Variants in CRAMP1 observed in about 807,000 individuals in gnomAD.
CRAMP1 encodes the protein cramped chromatin regulator 1.
CRAMP1 carries 50 observed loss-of-function variants against 115.4 expected under a neutral mutation model. The observed-to-expected ratio is 0.43, with a 90% CI of 0.35 to 0.55. The LOEUF (loss-of-function observed/expected upper bound fraction) is 0.55. Ranked by LOEUF, CRAMP1 falls within the 20% of genes least tolerant of loss-of-function variation. The probability of loss-of-function intolerance (pLI) is 0.01; values close to 1 mark genes in which losing one functional copy is unlikely to be tolerated. For synonymous variants in CRAMP1, 866 were observed against 745.4 expected (o/e 1.16, Z -2.64); for missense variants, 1,679 against 1,721.7 (o/e 0.98, Z 0.44).
chr16:1,655,990 C>T lies in CRAMP1; in HGVS notation c.1233C>T (p.Gly411=), dbSNP rs372461874. 40 of 1,612,808 alleles carry T rather than the reference C, an allele frequency of 2.5e-5. No homozygotes were observed. The Middle Eastern group carries it at 6.6e-4, about 27-fold the overall frequency. Residue 411 remains glycine (G), a synonymous_variant, in exon 10 of 21, where the codon GGC becomes GGT. Coordinates refer to ENST00000397412, the MANE Select transcript of CRAMP1 (RefSeq NM_020825.4). The stretch of plus-strand genomic sequence containing the variant: ...ACTGTACACTGACACCGCTGCCGGG[C>T]GTGGCTCGCGTGGTGCACTCCAAGG... ...GENCTLTPLP[G]VARVVHSKAF...
chr16:1,666,518 C>G lies in CRAMP1; in HGVS notation c.2954C>G (p.Ser985Cys). The G allele has an allele frequency of 6.2e-7, 1 of 1,613,970 alleles. No homozygotes were observed. ...GGCTTGTCTGGCATCTCTCCACTGT[C>G]TTCAGACGAGGTGACGGGTGCCATC... ...TEGLSGISPL[S>C]SDEVTGAISG... Residue 985 changes from serine to cysteine, a missense_variant, in exon 16 of 21, where the codon TCT becomes TGT. Transcript: ENST00000397412. The surrounding 1 kb of genome is among the most constrained non-coding windows in gnomAD (Gnocchi z 5.0).
chr16:1,668,570 G>C (rs756341031), intron 18 of CRAMP1, among the ~76,000 whole-genome samples: 9 of 152,230 alleles, frequency 5.9e-5, no homozygotes, highest in Non-Finnish European at 1.0e-4. Context: ...CTCACCTGCT[G>C]TCTGGGACAA....
chr16:1,655,655 C>T (rs2036764599), intron 9 of CRAMP1, among the ~76,000 whole-genome samples: 1 of 152,230 alleles, frequency 6.6e-6, no homozygotes, highest in African/African-American at 2.4e-5. Flanking sequence ...CCTGCCTGCT[C>T]CCCACATAGG....
At chr16:1,628,334 G>A (rs7204263) in intron 3 of CRAMP1, among the ~76,000 whole-genome samples, 32,717 of 152,066 alleles carry the variant, frequency 0.22, 4,881 homozygotes, top group African/African-American at 0.39. Context: ...GCTAAATGCA[G>A]CCTCCACCTC....
At chr16:1,662,146 T>C (rs1424528667) in intron 11 of CRAMP1, among the ~76,000 whole-genome samples, 2 of 152,210 alleles carry the variant, frequency 1.3e-5, no homozygotes, top group Non-Finnish European at 2.9e-5. Context: ...ACCAGGAAAG[T>C]TGACTGACTT....
At position 1,623,020 on chromosome 16, in the gene CRAMP1, C is replaced by T. The variant is rs141188781; in HGVS notation, c.347-2953C>T. Among the ~76,000 whole-genome samples the T allele has an allele frequency of 4.2e-3, 640 of 152,186 alleles. 6 individuals are homozygous for T. The highest frequency in any genetic ancestry group is 0.015 in the African/African-American group (613 of 41,496). On this transcript the variant is annotated intron_variant, in intron 2 of 20. Coordinates refer to ENST00000397412, the MANE Select transcript of CRAMP1 (RefSeq NM_020825.4). ...AAGAGATCCGCCTGCCTCGGCCTCC[C>T]AAAGTAGCTGTGATTACAGGCGCCC...
At chr16:1,628,551 G>A (rs1017274845) in intron 3 of CRAMP1, among the ~76,000 whole-genome samples, 3 of 152,354 alleles carry the variant, frequency 2.0e-5, no homozygotes, top group East Asian at 3.9e-4. Flanking sequence ...ACCGCACCTG[G>A]CCTAACACGT....
chr16:1,667,457 G>C (rs1236936964), intron 17 of CRAMP1, 57 bp downstream of exon 17: 3 of 1,346,000 alleles, frequency 2.2e-6, no homozygotes, highest in Admixed American at 1.7e-5. Flanking sequence ...TCCCTCCAGT[G>C]CCCTGAGCTG....
chr16:1,616,016 C>T (rs900434004), intron 2 of CRAMP1, among the ~76,000 whole-genome samples: 1 of 152,290 alleles, frequency 6.6e-6, no homozygotes, highest in Non-Finnish European at 1.5e-5. Context: ...CTTCTCCTGC[C>T]GCATTCTCAA....
In CRAMP1 at chr16:1,614,432, G is replaced by T. The variant is rs1455501439; in HGVS notation, c.-1-207G>T. On this transcript the variant is annotated intron_variant, in intron 1 of 20. Coordinates refer to ENST00000397412, the MANE Select transcript of CRAMP1 (RefSeq NM_020825.4). This position sits in a 1 kb window ranked among gnomAD's most constrained non-coding sequence, Gnocchi z 4.4. ...GGGGGCGTCCGGGGAGGCCCGGGAGGGTCCCGGGCTGGTGGGCAGGGCCGG... is the reference window on the plus strand; with the variant it reads ...GGGGGCGTCCGGGGAGGCCCGGGAGTGTCCCGGGCTGGTGGGCAGGGCCGG... 2.8e-5 allele frequency among the ~76,000 whole-genome samples: 4 copies of T among 145,428 alleles called. No homozygotes were observed. The highest frequency in any genetic ancestry group is 4.9e-5 in the African/African-American group (2 of 40,580).
At chr16:1,662,411 C>T (rs2036840051) in intron 11 of CRAMP1, 79 bp from the exon 12 acceptor site, 2 of 1,204,384 alleles carry the variant, frequency 1.7e-6, no homozygotes, top group South Asian at 1.3e-5. Flanking sequence ...TTCTGACTTT[C>T]TTCCCAACGG....
intron 4 of CRAMP1, among the ~76,000 whole-genome samples, chr16:1,633,851 C>T (rs546003625): frequency 3.3e-5 from 5 of 152,150 alleles, no homozygotes; most frequent in South Asian, 2.1e-4. Flanking sequence ...GGGCGGATCA[C>T]GAGGTCAAGA....
In CRAMP1 at chr16:1,667,213, C is replaced by T. The variant is rs781255210; in HGVS notation, c.3037-122C>T. The T allele has an allele frequency of 6.4e-5, 46 of 722,574 alleles. 1 individual carries two copies. Among genetic ancestry groups the T allele is most frequent in the Admixed American group, 5.1e-4 (25 of 49,368 alleles). The allele number at this position is 722,574 out of a possible 1,614,324, so 44.8% of individuals were successfully genotyped here. On this transcript the variant is annotated intron_variant, in intron 16 of 20. Transcript: ENST00000397412. ...CCTTAGACCCCTGTCCATTTACTGTCCCTCTGCTGTTAGGAGGCCAGGGGG... is the reference window on the plus strand; with the variant it reads ...CCTTAGACCCCTGTCCATTTACTGTTCCTCTGCTGTTAGGAGGCCAGGGGG...
At chr16:1,631,686 G>A (rs562612599) in intron 3 of CRAMP1, among the ~76,000 whole-genome samples, 5 of 152,336 alleles carry the variant, frequency 3.3e-5, no homozygotes, top group South Asian at 4.1e-4. Context: ...GCAAAGAAGC[G>A]TTCCAAGAAG....
At chr16:1,618,644 G>A (rs983777322) in intron 2 of CRAMP1, among the ~76,000 whole-genome samples, 1 of 152,074 alleles carries the variant, frequency 6.6e-6, no homozygotes, top group East Asian at 1.9e-4. Context: ...TGTAGGAATC[G>A]GTAAACGACT....
chr16:1,644,097 C>T (rs1156813422), intron 6 of CRAMP1, among the ~76,000 whole-genome samples: 2 of 152,208 alleles, frequency 1.3e-5, no homozygotes, highest in East Asian at 3.8e-4. Flanking sequence ...AGGATTTTGG[C>T]AAATGGCAGG....
chr16:1,625,675 T>G, intron 2 of CRAMP1: 5 of 254,756 alleles, frequency 2.0e-5, no homozygotes, highest in African/African-American at 2.2e-5. Flanking sequence ...TCTGTCTCCA[T>G]TGTGGACAGG....
At chr16:1,618,293 A>C (rs1363619559) in intron 2 of CRAMP1, among the ~76,000 whole-genome samples, 2 of 152,180 alleles carry the variant, frequency 1.3e-5, no homozygotes, top group African/African-American at 4.8e-5. Flanking sequence ...TAAATAAATA[A>C]ATAAATATAA....
chr16:1,670,877 C>T, intron 20 of CRAMP1, 68 bp downstream of exon 20: 1 of 1,483,506 alleles, frequency 6.7e-7, no homozygotes, highest in Non-Finnish European at 9.3e-7. Flanking sequence ...CAGCACTCTC[C>T]TGCACACCTG....
Sources: allele counts gnomAD v4.1 joint callset (sites outside exome capture counted in the v4.1 genomes callset), GRCh38; gene constraint gnomAD v4.1.1; non-coding constraint Gnocchi (gnomAD v3.1); transcripts MANE v1.5; gene names NCBI Gene and HGNC (gene_info 2026-07-23, HGNC 2026-07-21).